The following TTC39C variants were observed in gnomAD, a reference collection of about 807,000 sequenced individuals.
The protein encoded by TTC39C is tetratricopeptide repeat protein 39C.
Under a neutral mutation model 76.3 loss-of-function variants are expected in TTC39C, and 33 were observed. That is an observed-to-expected ratio of 0.43 (90% CI 0.33 to 0.58). The LOEUF is 0.58. Ranked by LOEUF, TTC39C falls within the 20% of genes least tolerant of loss-of-function variation. TTC39C has a pLI of 0.04. For missense variants in TTC39C, 595 were observed against 701.4 expected (o/e 0.85, Z 1.71); for synonymous variants, 254 against 260.6 (o/e 0.97, Z 0.24).
At chr18:24,015,290 A>C (rs2083441079) in intron 1 of TTC39C, 2 of 375,736 alleles carry the variant, frequency 5.3e-6, no homozygotes, top group Non-Finnish European at 4.8e-6. Context: ...GCGCGCCCGC[A>C]GTCCCCCTCT....
At chr18:24,090,797 CTTTTTTTTTTTT>C (rs1218689781) in intron 6 of TTC39C, among the ~76,000 whole-genome samples, 7 of 79,526 alleles carry the variant, frequency 8.8e-5, no homozygotes, top group Admixed American at 4.2e-4. Flanking sequence ...GATTAATTTA[CTTTTTTTTTTTT>C]TTTTTTTTTT....
chr18:24,002,939 A>G (rs1182836526), intron 1 of TTC39C, among the ~76,000 whole-genome samples: 1 of 152,128 alleles, frequency 6.6e-6, no homozygotes. Context: ...TAGTCTATAC[A>G]CTCAATTAAA....
At position 24,132,638 on chromosome 18, in the gene TTC39C, G is replaced by T; in HGVS notation, c.*64G>T. 7.2e-7 allele frequency: 1 copy of T among 1,397,856 alleles called. No homozygotes were observed. 86.6% of individuals were successfully genotyped at this position (1,397,856 alleles called of 1,614,324 possible). On this transcript the variant is annotated 3_prime_UTR_variant, in exon 14 of 14. Coordinates refer to ENST00000317571, the MANE Select transcript of TTC39C (RefSeq NM_001135993.2). ...GTCCGCACTTTAAAATAAAAGCAGA[G>T]GACAAAGCTCTTGTGAAGATGGGCT...
At chr18:24,080,470 T>C in intron 4 of TTC39C, 115 bp from the exon 5 acceptor site, 2 of 742,508 alleles carry the variant, frequency 2.7e-6, no homozygotes, top group Non-Finnish European at 4.3e-6. Context: ...ATACTAATTT[T>C]TATGTTTTTT....
intron 1 of TTC39C, among the ~76,000 whole-genome samples, chr18:24,038,003 C>G (rs2083751352): frequency 1.3e-5 from 2 of 152,176 alleles, no homozygotes; most frequent in African/African-American, 2.4e-5. Flanking sequence ...TCAGCACTTG[C>G]TATGCTATGC....
intron 2 of TTC39C, among the ~76,000 whole-genome samples, chr18:24,064,549 A>T (rs993423879): frequency 6.6e-6 from 1 of 152,228 alleles, no homozygotes; most frequent in Non-Finnish European, 1.5e-5. Flanking sequence ...CTAGAAGTCA[A>T]GTTAAATGAG....
intron 1 of TTC39C, among the ~76,000 whole-genome samples, chr18:23,998,507 G>A (rs952791419): frequency 3.9e-5 from 6 of 152,174 alleles, no homozygotes; most frequent in Non-Finnish European, 8.8e-5. Context: ...CTACTTGGGA[G>A]GTTGAGATAG....
chr18:24,008,125 C>T (rs140183422), intron 1 of TTC39C, among the ~76,000 whole-genome samples: 22 of 152,274 alleles, frequency 1.4e-4, no homozygotes, highest in African/African-American at 5.1e-4. Flanking sequence ...GACTCCTGGC[C>T]TAATCTCCTT....
At chr18:24,017,607 G>A (rs75938752) in intron 1 of TTC39C, among the ~76,000 whole-genome samples, 2,778 of 152,256 alleles carry the variant, frequency 0.018, 30 homozygotes, top group Non-Finnish European at 0.028. Context: ...TACGTATTAC[G>A]TATGAAGGAT....
At chr18:24,131,995 G>T in intron 13 of TTC39C, 75 bp downstream of exon 13, 1 of 1,401,738 alleles carries the variant, frequency 7.1e-7, no homozygotes, top group Non-Finnish European at 9.8e-7. Flanking sequence ...CTGAATTCAA[G>T]AAAGTTTGTG....
intron 1 of TTC39C, among the ~76,000 whole-genome samples, chr18:24,034,969 G>T (rs2083715136): frequency 6.6e-6 from 1 of 152,050 alleles, no homozygotes; most frequent in Non-Finnish European, 1.5e-5. Flanking sequence ...CCTGCTTTCA[G>T]TTTTTTCGGG....
intron 1 of TTC39C, among the ~76,000 whole-genome samples, chr18:24,034,362 T>C (rs1245343357): frequency 3.3e-5 from 5 of 152,274 alleles, no homozygotes; most frequent in African/African-American, 9.6e-5. Context: ...GAAATCCCTT[T>C]AATGCTCAAT....
chr18:24,058,322 T>G (rs1442841258), intron 1 of TTC39C, among the ~76,000 whole-genome samples: 1 of 152,148 alleles, frequency 6.6e-6, no homozygotes, highest in Non-Finnish European at 1.5e-5. Context: ...ATTAAAAAAA[T>G]TAATGACAAC....
upstream of TTC39C, chr18:24,014,733 T>A: frequency 8.9e-7 from 1 of 1,129,348 alleles, no homozygotes; most frequent in Non-Finnish European, 1.1e-6. Flanking sequence ...TCCTCTTCCC[T>A]CCCGTCTTCT....
Position 24,098,518 on chromosome 18 carries a change from CTCCCG to C in TTC39C, c.984+15442_984+15446del, listed in dbSNP as rs1415720438. ...CTCCTATCCTCTCCTCTCCCCTCCC[CTCCCG>C]TCCCCTCCCCTCCCCTCCCCTCCCC... On this transcript the variant is annotated intron_variant, in intron 6 of 13. Coordinates refer to ENST00000317571, the MANE Select transcript of TTC39C (RefSeq NM_001135993.2). Among the ~76,000 whole-genome samples, 120 of 63,648 alleles carry C rather than the reference CTCCCG, an allele frequency of 1.9e-3. 4 individuals are homozygous for C. Among genetic ancestry groups the C allele is most frequent in the African/African-American group, 8.0e-3 (108 of 13,428 alleles). The allele number at this position is 63,648 out of a possible 152,430, so 41.8% of individuals were successfully genotyped here.
chr18:24,111,879 G>T (rs1326921606), intron 6 of TTC39C, among the ~76,000 whole-genome samples: 1 of 151,278 alleles, frequency 6.6e-6, no homozygotes, highest in Non-Finnish European at 1.5e-5. Flanking sequence ...TCCAGCATGG[G>T]AGACAGAGCA....
chr18:24,010,110 T>C (rs1009997841), upstream of TTC39C, among the ~76,000 whole-genome samples: 6 of 152,220 alleles, frequency 3.9e-5, no homozygotes, highest in South Asian at 2.1e-4. Context: ...CAAAGAACAA[T>C]TGGAGAATTG....
chr18:23,997,684 A>AAG (rs1247444481), intron 1 of TTC39C, among the ~76,000 whole-genome samples: 1 of 150,070 alleles, frequency 6.7e-6, no homozygotes, highest in African/African-American at 2.4e-5. Flanking sequence ...GAAAGAAAGA[A>AAG]AGAAAGAAAG....
chr18:24,078,727 C>T lies in TTC39C; in HGVS notation c.461-1858C>T, dbSNP rs563160271. Among the ~76,000 whole-genome samples, 3 of 152,310 alleles carry T rather than the reference C, an allele frequency of 2.0e-5. No homozygotes were observed. The South Asian group carries it at 6.2e-4, about 32-fold the overall frequency. On this transcript the variant is annotated intron_variant, in intron 4 of 13. Coordinates refer to ENST00000317571, the MANE Select transcript of TTC39C (RefSeq NM_001135993.2). ...TTAATGCCAGAGTTTTTATTGGGGG[C>T]CGATCATGTAGGCACATAGACAAAT... is the stretch of plus-strand genomic sequence containing the variant.
Sources: gnomAD v4.1 joint callset for allele counts (sites outside exome capture counted in the v4.1 genomes callset) on GRCh38, gnomAD v4.1.1 for gene constraint, MANE v1.5 for transcripts, NCBI Gene and HGNC (gene_info 2026-07-23, HGNC 2026-07-21) for gene names.